The following DNAJB6 variants were observed in gnomAD, a reference collection of about 807,000 sequenced individuals.
DNAJB6 encodes dnaJ homolog subfamily B member 6.
DNAJB6 carries 16 observed loss-of-function variants against 42.7 expected under a neutral mutation model. That is an observed-to-expected ratio of 0.37 (90% confidence interval 0.25 to 0.57). The LOEUF (loss-of-function observed/expected upper bound fraction) is 0.57, where lower values mean the gene tolerates loss of function less well. DNAJB6 is among the 20% of genes least tolerant of loss of function. The pLI, the probability that DNAJB6 is intolerant of heterozygous loss-of-function variation, is 0.74. For synonymous variants in DNAJB6, 170 were observed against 163.5 expected, an observed-to-expected ratio of 1.04 and a Z score of -0.30; for missense variants, 347 against 416.8, an observed-to-expected ratio of 0.83 and a Z score of 1.46.
chr7:157,384,935 A>G lies in DNAJB6; in HGVS notation c.547A>G (p.Ser183Gly), dbSNP rs772598402. 9 of 1,613,950 alleles carry G rather than the reference A, an allele frequency of 5.6e-6. No individual in the cohort carries two copies. The highest frequency in any genetic ancestry group is 5.9e-6 in the Non-Finnish European group (7 of 1,179,926). ...ATTCTCTTCCACGTCATTTGGTGGTAGTGGCATGGGCAACTTCAAATCGAT... is the reference window on the plus strand; with the variant it reads ...ATTCTCTTCCACGTCATTTGGTGGTGGTGGCATGGGCAACTTCAAATCGAT... ...TSFSSTSFGG[S>G]GMGNFKSIST... The change falls in exon 7 of 10, where the codon AGT becomes GGT. Residue 183 changes from serine to glycine, a missense_variant. Ser to Gly is a moderately conservative substitution (Grantham distance 56, BLOSUM62 0). Around this residue, in one of 3 missense-constraint regions of DNAJB6, gnomAD observed 264 missense variants for 288.0 expected, o/e 0.92. Transcript: ENST00000262177.
chr7:157,398,552 T>C (rs943877307), intron 8 of DNAJB6, among the ~76,000 whole-genome samples: 2 of 152,228 alleles, frequency 1.3e-5, no homozygotes, highest in Non-Finnish European at 2.9e-5. Flanking sequence ...AAGATGGCCA[T>C]GCCCGCGCGG....
Position 157,354,464 on chromosome 7 carries a change from A to AT in DNAJB6, c.-26-4073dup, listed in dbSNP as rs546128364. 3.5e-3 allele frequency among the ~76,000 whole-genome samples: 423 copies of AT among 121,770 alleles called. 2 individuals carry two copies. The highest frequency in any genetic ancestry group is 0.034 in the South Asian group (125 of 3,716). 79.9% of individuals were successfully genotyped at this position (121,770 alleles called of 152,430 possible). A position where few individuals can be genotyped will look rare whatever the true frequency, so the allele number is the denominator to read the frequency against. On this transcript the variant is annotated intron_variant, in intron 1 of 9. Coordinates refer to ENST00000262177, the MANE Select transcript of DNAJB6 (RefSeq NM_058246.4). ...GCCCAGCTATTCATTTTTAGTTTTA[A>AT]TTTTTTTTTTAAAAAAATTATTTTC... is the stretch of plus-strand genomic sequence containing the variant.
At chr7:157,396,331 A>G (rs574285719) in intron 8 of DNAJB6, among the ~76,000 whole-genome samples, 1 of 152,362 alleles carries the variant, frequency 6.6e-6, no homozygotes, top group Admixed American at 6.5e-5. Context: ...GGAGCGGGGC[A>G]GTCTCAGGGC....
intron 5 of DNAJB6, among the ~76,000 whole-genome samples, chr7:157,377,740 G>A (rs761764713): frequency 1.2e-4 from 19 of 152,170 alleles, no homozygotes; most frequent in Non-Finnish European, 2.1e-4. Context: ...AAGGATGTTC[G>A]GCTCAATATT....
intron 5 of DNAJB6, among the ~76,000 whole-genome samples, chr7:157,373,995 A>G (rs1354001381): frequency 6.6e-6 from 1 of 152,192 alleles, no homozygotes; most frequent in East Asian, 1.9e-4. Flanking sequence ...AGCTTGGGAA[A>G]AATAATGAGA....
chr7:157,392,360 T>G (rs1108022), intron 8 of DNAJB6, among the ~76,000 whole-genome samples: 74,078 of 133,976 alleles, frequency 0.55, 20,115 homozygotes, highest in African/African-American at 0.77. Context: ...TGAAAGTGGG[T>G]TTTTTTTTTT....
At chr7:157,358,116 A>G (rs943163521) in intron 1 of DNAJB6, among the ~76,000 whole-genome samples, 1 of 152,208 alleles carries the variant, frequency 6.6e-6, no homozygotes, top group African/African-American at 2.4e-5. Flanking sequence ...GGGCAGGGAC[A>G]ACGTGTTTGT....
rs557142034 is a variant in DNAJB6 at position 157,406,745 on chromosome 7, C to T, written c.692-3050C>T. ...GAACGCAACATCCATGCCTGCCTGG[C>T]GGTCTCAGCCTCTGAGGAGACGACA... On this transcript the variant is annotated intron_variant, in intron 8 of 9. Transcript: ENST00000262177. Among the ~76,000 whole-genome samples, 13 of 152,382 alleles carry T rather than the reference C, an allele frequency of 8.5e-5. No homozygotes were observed. The East Asian group carries it at 1.3e-3, about 16-fold the overall frequency.
intron 9 of DNAJB6, chr7:157,413,554 A>G (rs1202483230): frequency 1.3e-5 from 2 of 152,192 alleles, no homozygotes; most frequent in Non-Finnish European, 2.9e-5. Context: ...ACAAGTTTTT[A>G]AGTAGTCACT....
intron 5 of DNAJB6, among the ~76,000 whole-genome samples, chr7:157,377,596 T>TC (rs1475211848): frequency 6.6e-6 from 1 of 151,892 alleles, no homozygotes; most frequent in African/African-American, 2.4e-5. Context: ...AGCAGTCTCC[T>TC]CCCCCGGGGT....
intron 8 of DNAJB6, among the ~76,000 whole-genome samples, chr7:157,387,079 C>T (rs1019818008): frequency 3.3e-5 from 5 of 152,194 alleles, no homozygotes; most frequent in African/African-American, 1.2e-4. Flanking sequence ...TGACAAACAG[C>T]GTAGCGTGTT....
intron 8 of DNAJB6, among the ~76,000 whole-genome samples, chr7:157,403,519 T>C (rs1405209141): frequency 6.6e-6 from 1 of 152,100 alleles, no homozygotes; most frequent in Non-Finnish European, 1.5e-5. Flanking sequence ...CAAGCTGGAG[T>C]CCAGTGGTGC....
At chr7:157,409,042 T>C (rs747491984) in intron 8 of DNAJB6, among the ~76,000 whole-genome samples, 2 of 152,268 alleles carry the variant, frequency 1.3e-5, no homozygotes, top group African/African-American at 2.4e-5. Context: ...CACGCAGTGA[T>C]TGCCACTCAA....
In DNAJB6 at chr7:157,395,688, T is replaced by C. The variant is rs565186559; in HGVS notation, c.691+10077T>C. Among the ~76,000 whole-genome samples the C allele has an allele frequency of 1.5e-4, 21 of 144,802 alleles. No homozygotes were observed. The South Asian group carries it at 1.5e-3, about 10-fold the overall frequency. 95.0% of individuals were successfully genotyped at this position (144,802 alleles called of 152,430 possible). On this transcript the variant is annotated intron_variant, in intron 8 of 9. Coordinates refer to ENST00000262177, the MANE Select transcript of DNAJB6 (RefSeq NM_058246.4). ...TCATTCTACGTTTTTTCTTTTCTTT[T>C]TTTTTTTTTTTTTTGAGACGGAGTC...
intron 9 of DNAJB6, chr7:157,410,218 G>A (rs1457691333): frequency 6.8e-6 from 8 of 1,171,672 alleles, no homozygotes; most frequent in Admixed American, 3.2e-5. Context: ...GTTAAAACGG[G>A]GTCCGCGTGT....
At chr7:157,396,623 G>A (rs977101153) in intron 8 of DNAJB6, among the ~76,000 whole-genome samples, 1 of 152,204 alleles carries the variant, frequency 6.6e-6, no homozygotes, top group African/African-American at 2.4e-5. Flanking sequence ...CTCAGTGTGA[G>A]AGTCCACTCT....
At chr7:157,402,095 C>G (rs1301464544) in intron 8 of DNAJB6, among the ~76,000 whole-genome samples, 2 of 152,242 alleles carry the variant, frequency 1.3e-5, no homozygotes, top group Non-Finnish European at 2.9e-5. Flanking sequence ...CTGCCGCACT[C>G]CGCATTGATA....
intron 6 of DNAJB6, 36 bp downstream of exon 6, chr7:157,382,413 A>G: frequency 6.3e-7 from 1 of 1,585,254 alleles, no homozygotes; most frequent in Non-Finnish European, 8.5e-7. Context: ...TGTTATCTTA[A>G]CAGCAGTTAG....
chr7:157,395,537 G>A (rs781159111), intron 8 of DNAJB6, among the ~76,000 whole-genome samples: 1 of 152,198 alleles, frequency 6.6e-6, no homozygotes, highest in Non-Finnish European at 1.5e-5. Context: ...TCCCTGATGG[G>A]AAGACAGAGG....
Sources: gnomAD v4.1 joint callset for allele counts (sites outside exome capture counted in the v4.1 genomes callset) on GRCh38, gnomAD v4.1.1 for gene constraint, gnomAD v4.1.1 regional missense constraint, MANE v1.5 for transcripts, NCBI Gene and HGNC (gene_info 2026-07-23, HGNC 2026-07-21) for gene names.